APLP2: variants seen among roughly 807,000 people sequenced by gnomAD.
APLP2 encodes the protein CDEI box-binding protein.
A neutral mutation model predicts 89.9 loss-of-function variants in APLP2; 53 were observed. The ratio of observed to expected loss-of-function variants is 0.59; its 90% confidence interval spans 0.47 to 0.74. APLP2 has a LOEUF of 0.74. Ranked by LOEUF, APLP2 falls within the 30% of genes least tolerant of loss-of-function variation. The pLI, the probability that APLP2 is intolerant of heterozygous loss-of-function variation, is 0.00. For synonymous variants in APLP2, 372 were observed against 348.6 expected (o/e 1.07, Z -0.75); for missense variants, 973 against 975.9 (o/e 1.00, Z 0.04).
At chr11:130,133,304 G>T (rs1220471248) in intron 11 of APLP2, among the ~76,000 whole-genome samples, 2 of 151,926 alleles carry the variant, frequency 1.3e-5, no homozygotes, top group South Asian at 2.1e-4. Flanking sequence ...TGTATTTTTG[G>T]TGGAGACAGG....
intron 1 of APLP2, among the ~76,000 whole-genome samples, chr11:130,092,495 G>A (rs1338807271): frequency 2.1e-5 from 3 of 140,090 alleles, no homozygotes; most frequent in Admixed American, 1.4e-4. Flanking sequence ...CGAGGTTGGC[G>A]GATCACTCGC....
At chr11:130,086,415 T>A (rs1194117851) in intron 1 of APLP2, among the ~76,000 whole-genome samples, 1 of 152,232 alleles carries the variant, frequency 6.6e-6, no homozygotes, top group Non-Finnish European at 1.5e-5. Flanking sequence ...CTTTATATAT[T>A]CTGGATGTTA....
chr11:130,070,041 G>T lies in APLP2; in HGVS notation c.64G>T (p.Gly22Trp). ...CAGGCTCCTGCTTCTGCTGCTGGTG[G>T]GGCTCACGGCGCCTGCCTTGGCGCT... ...TGRLLLLLLV[G>W]LTAPALALAG... The change falls in exon 1 of 17, where the codon GGG becomes TGG. Residue 22 changes from glycine (G) to tryptophan (W), a missense_variant. Gly to Trp is a radical substitution (Grantham distance 184). Coordinates refer to ENST00000338167, the MANE Select transcript of APLP2 (RefSeq NM_001142276.2). 1 of 1,511,372 alleles carries T rather than the reference G, an allele frequency of 6.6e-7. No homozygotes were observed. 93.6% of individuals were successfully genotyped at this position (1,511,372 alleles called of 1,614,324 possible).
intron 1 of APLP2, among the ~76,000 whole-genome samples, chr11:130,072,879 C>T (rs1256151479): frequency 6.6e-6 from 1 of 152,074 alleles, no homozygotes; most frequent in South Asian, 2.1e-4. Flanking sequence ...TTTGTTTTAC[C>T]ATCTAAAGCC....
intron 13 of APLP2, 60 bp from the exon 14 acceptor site, chr11:130,140,338 G>T: frequency 7.2e-7 from 1 of 1,387,094 alleles, no homozygotes; most frequent in Non-Finnish European, 9.9e-7. Flanking sequence ...TGCTGCTTCT[G>T]TGCAATGGGT....
chr11:130,072,474 CTTTTTTTTT>C (rs562054930), intron 1 of APLP2, among the ~76,000 whole-genome samples: 1 of 110,294 alleles, frequency 9.1e-6, no homozygotes, highest in Non-Finnish European at 1.8e-5. Context: ...GGAATATCGT[CTTTTTTTTT>C]TTTTTTTTTT....
intron 1 of APLP2, among the ~76,000 whole-genome samples, chr11:130,090,886 C>CG (rs1420144333): frequency 2.1e-4 from 31 of 144,564 alleles, no homozygotes; most frequent in African/African-American, 6.4e-4. Flanking sequence ...GTTGGCCGGG[C>CG]GGGGGGGCTG....
rs1258635802 is a variant in APLP2 at position 130,121,766 on chromosome 11, A to G, written c.669A>G (p.Glu223=). ...AAGAGGAAGAGGAAGATGAAGAGGA[A>G]GAGGAAGAGGAAGATGAAGAGGAAG... ...SKEEEEEDEE[E]EEEEDEEEDY... is the part of the protein sequence containing the mutation. The change falls in exon 5 of 17, where the codon GAA becomes GAG. Residue 223 remains glutamate, a synonymous_variant. Transcript: ENST00000338167. 1.2e-5 allele frequency: 19 copies of G among 1,613,670 alleles called. No individual in the cohort carries two copies. The Middle Eastern group carries it at 6.6e-4, about 56-fold the overall frequency.
intron 7 of APLP2, among the ~76,000 whole-genome samples, chr11:130,126,080 T>G (rs1165147964): frequency 6.6e-6 from 1 of 152,174 alleles, no homozygotes; most frequent in Non-Finnish European, 1.5e-5. Flanking sequence ...GTTTTATCCT[T>G]GTTGGTTCTG....
intron 1 of APLP2, among the ~76,000 whole-genome samples, chr11:130,077,871 G>A (rs1942403879): frequency 6.6e-6 from 1 of 152,182 alleles, no homozygotes; most frequent in Admixed American, 6.5e-5. Context: ...CCCCTTATCA[G>A]GAAAGTGCCA....
chr11:130,071,166 C>A (rs979958569), intron 1 of APLP2, among the ~76,000 whole-genome samples: 2 of 152,188 alleles, frequency 1.3e-5, no homozygotes, highest in African/African-American at 2.4e-5. Context: ...TCAGAGAGAC[C>A]TGAAGACTGG....
In APLP2 at chr11:130,141,898, C is replaced by G. The variant is rs547483249; in HGVS notation, c.1999-21C>G. 12 of 1,581,884 alleles carry G rather than the reference C, an allele frequency of 7.6e-6. No individual in the cohort carries two copies. Among genetic ancestry groups the G allele is most frequent in the Non-Finnish European group, 1.0e-5 (12 of 1,157,514 alleles). ...CCAGATGGTCACTGGGACTTTTTTC[C>G]ACGTCTGCTTTATTACGTAGGAATC... is the stretch of plus-strand genomic sequence containing the variant. On this transcript the variant is annotated intron_variant, in intron 15 of 16. Coordinates refer to ENST00000338167, the MANE Select transcript of APLP2 (RefSeq NM_001142276.2). The surrounding 1 kb of genome is among the most constrained non-coding windows in gnomAD (Gnocchi z 4.2).
intron 5 of APLP2, 91 bp downstream of exon 5, chr11:130,121,901 G>A: frequency 6.6e-7 from 1 of 1,525,202 alleles, no homozygotes; most frequent in Non-Finnish European, 8.8e-7. Context: ...CCTCACTTCT[G>A]GATAAACTGG....
chr11:130,129,363 T>A (rs1449270945), intron 10 of APLP2, among the ~76,000 whole-genome samples, 157 bp downstream of exon 10: 1 of 152,234 alleles, frequency 6.6e-6, no homozygotes, highest in African/African-American at 2.4e-5. Flanking sequence ...TACATTCTAA[T>A]ATCTGTGTAT....
chr11:130,135,769 A>C, intron 13 of APLP2, 54 bp downstream of exon 13: 2 of 1,598,886 alleles, frequency 1.3e-6, no homozygotes, highest in Non-Finnish European at 1.7e-6. Flanking sequence ...ACAAAATGAG[A>C]GAATTGAAGT....
At position 130,109,410 on chromosome 11, in the gene APLP2, A is replaced by G. The variant is rs201337010; in HGVS notation, c.106-19A>G. 656 of 1,602,498 alleles carry G rather than the reference A, an allele frequency of 4.1e-4. 6 individuals are homozygous for G. In the African/African-American group the frequency reaches 8.1e-3, roughly 20 times the overall value. ...CTAGCCTTCTTGGAGTAAACCTGCA[A>G]TTTTTTTCCCTTTGGTAGGCTCTTG... On this transcript the variant is annotated intron_variant, in intron 1 of 16. Coordinates refer to ENST00000338167, the MANE Select transcript of APLP2 (RefSeq NM_001142276.2).
intron 3 of APLP2, among the ~76,000 whole-genome samples, chr11:130,113,293 T>TA (rs1948803345): frequency 1.3e-5 from 2 of 151,186 alleles, no homozygotes; most frequent in South Asian, 4.2e-4. Context: ...TCCCAAATGA[T>TA]AGAGTTTAAA....
chr11:130,141,321 C>T lies in APLP2; in HGVS notation c.1924-177C>T. ...AGTCTTCCCTCCATACCTGCCCCTT[C>T]ATTAGGGGTTTGGGGAGTGGATTTG... On this transcript the variant is annotated intron_variant, in intron 14 of 16. Coordinates refer to ENST00000338167, the MANE Select transcript of APLP2 (RefSeq NM_001142276.2). The surrounding 1 kb of genome is among the most constrained non-coding windows in gnomAD (Gnocchi z 4.2). 1.6e-6 allele frequency: 1 copy of T among 606,750 alleles called. No individual in the cohort carries two copies. Among genetic ancestry groups the T allele is most frequent in the Non-Finnish European group, 3.0e-6 (1 of 338,310 alleles). The allele number at this position is 606,750 out of a possible 1,614,324, so 37.6% of individuals were successfully genotyped here.
In APLP2 at chr11:130,123,714, G is replaced by A. The variant is rs1950079818; in HGVS notation, c.1025G>A (p.Gly342Asp). ...AAGTGCGTGCGCTTTATATATGGTG[G>A]CTGCGGCGGCAACAGGAACAATTTT... ...KGKCVRFIYG[G>D]CGGNRNNFES... The change falls in exon 7 of 17, where the codon GGC becomes GAC. Residue 342 changes from glycine (G) to aspartate (D), a missense_variant. By Grantham distance (94) the Gly-to-Asp change is moderately conservative (BLOSUM62 -1). Transcript: ENST00000338167. The surrounding 1 kb of genome is among the most constrained non-coding windows in gnomAD (Gnocchi z 4.0). 1 of 1,614,150 alleles carries A rather than the reference G, an allele frequency of 6.2e-7. No homozygotes were observed. The highest frequency in any genetic ancestry group is 1.3e-5 in the African/African-American group (1 of 74,956).
Sources: gnomAD v4.1 joint callset for allele counts (sites outside exome capture counted in the v4.1 genomes callset) on GRCh38, gnomAD v4.1.1 for gene constraint, Gnocchi (gnomAD v3.1) non-coding constraint, MANE v1.5 for transcripts, NCBI Gene and HGNC (gene_info 2026-07-23, HGNC 2026-07-21) for gene names.